Variants in MYLK observed in about 807,000 individuals in gnomAD.
MYLK encodes the protein myosin light chain kinase.
In MYLK, 106 loss-of-function variants were observed where a neutral mutation model predicts 203.4. The observed-to-expected ratio is 0.52, with a 90% CI of 0.45 to 0.61. The LOEUF (loss-of-function observed/expected upper bound fraction) is 0.61, where lower values mean the gene tolerates loss of function less well. Among genes scored for constraint, MYLK ranks in the 20% least tolerant of loss-of-function variants. MYLK has a pLI of 0.00. For missense variants in MYLK, 2,072 were observed against 2,442.3 expected, an observed-to-expected ratio of 0.85 and a Z score of 3.20; for synonymous variants, 867 against 959.5, an observed-to-expected ratio of 0.90 and a Z score of 1.78.
intron 2 of MYLK, among the ~76,000 whole-genome samples, chr3:123,844,305 C>T (rs1325601765): frequency 6.6e-6 from 1 of 152,078 alleles, no homozygotes. Flanking sequence ...GGGAGGAATC[C>T]ATGGTGGCAT....
chr3:123,877,204 G>C (rs962391754), intron 1 of MYLK, among the ~76,000 whole-genome samples: 35 of 152,320 alleles, frequency 2.3e-4, no homozygotes, highest in African/African-American at 8.2e-4. Flanking sequence ...TCTGGTTGTA[G>C]TGGGATCAAG....
At chr3:123,725,047 G>C (rs2062231523) in intron 12 of MYLK, among the ~76,000 whole-genome samples, 1 of 152,154 alleles carries the variant, frequency 6.6e-6, no homozygotes, top group African/African-American at 2.4e-5. Flanking sequence ...CTGGCCCACT[G>C]CTGTCTTAAG....
chr3:123,829,718 A>G (rs1163871694), intron 3 of MYLK, among the ~76,000 whole-genome samples: 1 of 152,236 alleles, frequency 6.6e-6, no homozygotes, highest in Non-Finnish European at 1.5e-5. Flanking sequence ...AATATGCACA[A>G]CTATTATTTG....
chr3:123,776,120 CG>C (rs988993054), intron 4 of MYLK, among the ~76,000 whole-genome samples: 2 of 152,288 alleles, frequency 1.3e-5, no homozygotes, highest in South Asian at 2.1e-4. Flanking sequence ...TGCTGGTCCC[CG>C]TGTGGCAGCA....
rs943558514 is a variant in MYLK at position 123,612,722 on chromosome 3, G to T, written c.*1383C>A. The T allele has an allele frequency of 1.3e-5, 2 of 152,522 alleles. No homozygotes were observed. The highest frequency in any genetic ancestry group is 4.8e-5 in the African/African-American group (2 of 41,402). The allele number at this position is 152,522 out of a possible 1,614,324, so 9.4% of individuals were successfully genotyped here. On this transcript the variant is annotated 3_prime_UTR_variant, in exon 34 of 34. Coordinates refer to ENST00000360304, the MANE Select transcript of MYLK (RefSeq NM_053025.4). ...AAATTCTAATGTTGATACTGTGTAG[G>T]ATTGCACTGAAGTAATTTTAAATTG...
intron 4 of MYLK, among the ~76,000 whole-genome samples, chr3:123,780,828 C>A (rs2064268816): frequency 6.6e-6 from 1 of 152,128 alleles, no homozygotes; most frequent in Non-Finnish European, 1.5e-5. Context: ...CTATAGAGAA[C>A]ACAAAGATGA....
chr3:123,820,749 A>T (rs2065908067), intron 3 of MYLK, among the ~76,000 whole-genome samples: 1 of 146,494 alleles, frequency 6.8e-6, no homozygotes, highest in Admixed American at 7.1e-5. Flanking sequence ...TTTCTGACGA[A>T]GTCTGACTCT....
At chr3:123,744,402 G>A (rs755348292) in intron 5 of MYLK, among the ~76,000 whole-genome samples, 2 of 152,072 alleles carry the variant, frequency 1.3e-5, no homozygotes, top group Non-Finnish European at 2.9e-5. Context: ...AAAGAGCACA[G>A]GTCTACAGTG....
chr3:123,876,552 C>T lies in MYLK; in HGVS notation c.-127+7G>A, dbSNP rs186567565. 3 of 152,260 alleles carry T rather than the reference C, an allele frequency of 2.0e-5. No individual in the cohort carries two copies. The highest frequency in any genetic ancestry group is 6.5e-5 in the Admixed American group (1 of 15,290). 9.4% of individuals were successfully genotyped at this position (152,260 alleles called of 1,614,324 possible). A position where few individuals can be genotyped will look rare whatever the true frequency, so the allele number is the denominator to read the frequency against. ...ATATAAGAATCCATCTTTTATCATG[C>T]TATTACCTTTATTTTTTCTCTTCAG... On this transcript the variant is annotated splice_region_variant and intron_variant, in intron 2 of 33. Transcript: ENST00000360304.
rs1386486112 is a variant in MYLK at position 123,707,913 on chromosome 3, A to G, written c.2231T>C (p.Ile744Thr). Residue 744 changes from isoleucine (I) to threonine (T), a missense_variant, in exon 16 of 34, where the codon ATA becomes ACA. By Grantham distance (89) the Ile-to-Thr change is moderately conservative. Transcript: ENST00000360304. Reference protein sequence around the residue: ...LGQSVLISCAIAGDPFPTVHW... With the variant: ...LGQSVLISCATAGDPFPTVHW... ...CACGGTAGGAAAGGGGTCACCAGCT[A>G]TGGCGCAGGAGATGAGGACACTCTG... The G allele has an allele frequency of 1.2e-6, 2 of 1,614,100 alleles. No individual in the cohort carries two copies. The highest frequency in any genetic ancestry group is 2.7e-5 in the African/African-American group (2 of 74,924).
intron 17 of MYLK, 149 bp from the exon 18 acceptor site, chr3:123,701,154 T>C: frequency 1.7e-6 from 2 of 1,145,678 alleles, no homozygotes; most frequent in Non-Finnish European, 2.5e-6. Context: ...TGTTTATAGA[T>C]GGGAACATTG....
intron 4 of MYLK, among the ~76,000 whole-genome samples, chr3:123,766,975 A>G (rs1316096778): frequency 2.0e-5 from 3 of 152,184 alleles, no homozygotes; most frequent in African/African-American, 4.8e-5. Flanking sequence ...CCTGGTTCAA[A>G]ACACACATTT....
intron 20 of MYLK, among the ~76,000 whole-genome samples, chr3:123,670,273 G>A (rs1371008968): frequency 6.6e-6 from 1 of 152,116 alleles, no homozygotes; most frequent in Non-Finnish European, 1.5e-5. Flanking sequence ...TAGTTAGAAG[G>A]CTAAAAGACA....
At chr3:123,775,924 G>A (rs1184246034) in intron 4 of MYLK, among the ~76,000 whole-genome samples, 3 of 152,130 alleles carry the variant, frequency 2.0e-5, no homozygotes, top group Admixed American at 2.0e-4. Flanking sequence ...TAGGCACTGA[G>A]GTCTCCTGAG....
rs1471738428 is a variant in MYLK at position 123,825,866 on chromosome 3, AC to A, written c.-4+5681del. 4.6e-5 allele frequency among the ~76,000 whole-genome samples: 7 copies of A among 152,036 alleles called. No individual in the cohort carries two copies. The East Asian group carries it at 1.3e-3, about 29-fold the overall frequency. On this transcript the variant is annotated intron_variant, in intron 3 of 33. Coordinates refer to ENST00000360304, the MANE Select transcript of MYLK (RefSeq NM_053025.4). ...AATCTGCCAGTTCTGCCTGGGGAAAACCCACCCTTGAGCCAGCCAAATGGTT... is the reference window on the plus strand; with the variant it reads ...AATCTGCCAGTTCTGCCTGGGGAAAACCACCCTTGAGCCAGCCAAATGGTT...
At chr3:123,623,765 G>A (rs1020063933) in intron 31 of MYLK, 2 of 152,326 alleles carry the variant, frequency 1.3e-5, no homozygotes, top group African/African-American at 4.8e-5. Flanking sequence ...GGTGATTGCA[G>A]TTAAAATGCA....
In MYLK at chr3:123,613,844, GGTCA is replaced by G. The variant is rs2057316491; in HGVS notation, c.*257_*260del. On this transcript the variant is annotated 3_prime_UTR_variant, in exon 34 of 34. Coordinates refer to ENST00000360304, the MANE Select transcript of MYLK (RefSeq NM_053025.4). ...GGTTACTTTCTCTCTAAAATCAATT[GGTCA>G]GTCAAGTTACTGGTGATTTCCCTAA... The G allele has an allele frequency of 4.7e-5, 23 of 488,834 alleles. 1 individual carries two copies. The South Asian group carries it at 5.0e-4, about 11-fold the overall frequency. The allele number at this position is 488,834 out of a possible 1,614,324, so 30.3% of individuals were successfully genotyped here.
rs1417785443 is a variant in MYLK at position 123,613,368 on chromosome 3, A to G, written c.*737T>C. On this transcript the variant is annotated 3_prime_UTR_variant, in exon 34 of 34. Transcript: ENST00000360304. ...TTTTTTTCCCATGGGTTCTTAACCA[A>G]ATGTCTGAAGCTGCTAGACATCTGC... The G allele has an allele frequency of 6.6e-6, 1 of 152,262 alleles. No homozygotes were observed. The highest frequency in any genetic ancestry group is 1.5e-5 in the Non-Finnish European group (1 of 68,052). 9.4% of individuals were successfully genotyped at this position (152,262 alleles called of 1,614,324 possible).
Position 123,709,870 on chromosome 3 carries a change from C to T in MYLK, c.1828G>A (p.Glu610Lys). Residue 610 changes from glutamate to lysine, a missense_variant, in exon 14 of 34, where the codon GAG becomes AAG. Physicochemically the swap from Glu to Lys is moderately conservative, Grantham distance 56. Transcript: ENST00000360304. ...VHEKKSSRKS[E>K]YLLPVAPSKP... ...CTGGGAGCCACAGGCAGAAGGTACT[C>T]ACTCTTCCTGCTACTCTTCTTTTCT... 6.2e-7 allele frequency: 1 copy of T among 1,614,174 alleles called. No homozygotes were observed. The highest frequency in any genetic ancestry group is 8.5e-7 in the Non-Finnish European group (1 of 1,180,032).
Sources: allele counts gnomAD v4.1 joint callset (sites outside exome capture counted in the v4.1 genomes callset), GRCh38; gene constraint gnomAD v4.1.1; transcripts MANE v1.5; gene names NCBI Gene and HGNC (gene_info 2026-07-23, HGNC 2026-07-21).